Variants in PLXDC2 observed in about 807,000 individuals in gnomAD.
PLXDC2 encodes plexin domain-containing protein 2.
A neutral mutation model predicts 68.9 loss-of-function variants in PLXDC2; 40 were observed. The ratio of observed to expected loss-of-function variants is 0.58; its 90% CI spans 0.45 to 0.76. The LOEUF (loss-of-function observed/expected upper bound fraction) is 0.76, where lower values mean the gene tolerates loss of function less well. Ranked by LOEUF, PLXDC2 falls within the 30% of genes least tolerant of loss-of-function variation. PLXDC2 has a pLI of 0.00. For synonymous variants in PLXDC2, 243 were observed against 234.2 expected (o/e 1.04, Z -0.34); for missense variants, 644 against 661.9 (o/e 0.97, Z 0.30).
intron 1 of PLXDC2, among the ~76,000 whole-genome samples, chr10:19,962,366 C>T (rs1589558190): frequency 1.6e-5 from 1 of 62,464 alleles, no homozygotes; most frequent in Non-Finnish European, 3.2e-5. Flanking sequence ...GAGATGGAGT[C>T]TCATGCACCC....
chr10:20,025,531 G>A (rs1308804856), intron 2 of PLXDC2, among the ~76,000 whole-genome samples: 1 of 152,046 alleles, frequency 6.6e-6, no homozygotes, highest in Non-Finnish European at 1.5e-5. Flanking sequence ...CAAAGTGCTG[G>A]GATTACAGGT....
At chr10:19,985,121 A>G (rs1834614611) in intron 1 of PLXDC2, among the ~76,000 whole-genome samples, 1 of 152,202 alleles carries the variant, frequency 6.6e-6, no homozygotes, top group Non-Finnish European at 1.5e-5. Flanking sequence ...GCATTCCTGC[A>G]TTATCAGGGC....
chr10:19,999,895 A>AT (rs985865014), intron 1 of PLXDC2, among the ~76,000 whole-genome samples: 2 of 152,202 alleles, frequency 1.3e-5, no homozygotes, highest in Non-Finnish European at 2.9e-5. Context: ...TTTCATTCCC[A>AT]TTTAAAATAT....
chr10:20,188,035 T>G (rs934183008), intron 9 of PLXDC2, among the ~76,000 whole-genome samples: 3 of 151,744 alleles, frequency 2.0e-5, no homozygotes, highest in African/African-American at 7.2e-5. Context: ...AAGTACATAA[T>G]AGATGCTGTT....
chr10:20,027,795 G>A (rs1462312344), intron 2 of PLXDC2, among the ~76,000 whole-genome samples: 1 of 151,870 alleles, frequency 6.6e-6, no homozygotes, highest in Admixed American at 6.6e-5. Context: ...GGTGCAACCT[G>A]TGAAACATTT....
At chr10:20,131,777 C>A (rs1193070866) in intron 4 of PLXDC2, among the ~76,000 whole-genome samples, 1 of 152,108 alleles carries the variant, frequency 6.6e-6, no homozygotes. Context: ...AAAAACCCAA[C>A]TCCTAGTTTC....
At chr10:20,082,457 G>A (rs1335978742) in intron 4 of PLXDC2, among the ~76,000 whole-genome samples, 1 of 149,646 alleles carries the variant, frequency 6.7e-6, no homozygotes, top group Non-Finnish European at 1.5e-5. Context: ...AATACAAGTA[G>A]CTGTTACACA....
At chr10:19,838,476 C>G (rs1334416965) in intron 1 of PLXDC2, among the ~76,000 whole-genome samples, 1 of 151,998 alleles carries the variant, frequency 6.6e-6, no homozygotes, top group Non-Finnish European at 1.5e-5. Flanking sequence ...AATTTAAGTC[C>G]AAGTAAAACA....
chr10:20,172,230 G>GAAAAAAAA (rs571463676), intron 7 of PLXDC2, among the ~76,000 whole-genome samples: 3 of 110,606 alleles, frequency 2.7e-5, no homozygotes, highest in Non-Finnish European at 3.8e-5. Context: ...TTGTGAAAAG[G>GAAAAAAAA]AAAAAAAAAA....
intron 12 of PLXDC2, among the ~76,000 whole-genome samples, chr10:20,234,352 C>T (rs1564362161): frequency 6.6e-6 from 1 of 152,162 alleles, no homozygotes; most frequent in African/African-American, 2.4e-5. Context: ...AGACATACAG[C>T]TTTATATTTC....
At chr10:20,156,524 T>C (rs1437899713) in intron 6 of PLXDC2, among the ~76,000 whole-genome samples, 2 of 152,208 alleles carry the variant, frequency 1.3e-5, no homozygotes, top group Non-Finnish European at 2.9e-5. Context: ...CATGAATTTC[T>C]TCTCTTACCC....
At chr10:19,995,166 T>C (rs1411952860) in intron 1 of PLXDC2, among the ~76,000 whole-genome samples, 1 of 152,160 alleles carries the variant, frequency 6.6e-6, no homozygotes, top group Non-Finnish European at 1.5e-5. Context: ...GTATCAGTGG[T>C]CCCCAAGACT....
At chr10:20,067,204 G>C (rs1465733177) in intron 3 of PLXDC2, among the ~76,000 whole-genome samples, 2 of 151,862 alleles carry the variant, frequency 1.3e-5, no homozygotes, top group African/African-American at 4.8e-5. Flanking sequence ...GCTAAAGTTC[G>C]TGGCCCCATT....
chr10:20,011,317 C>T (rs747458174), intron 2 of PLXDC2, among the ~76,000 whole-genome samples: 5 of 152,118 alleles, frequency 3.3e-5, no homozygotes, highest in Non-Finnish European at 7.4e-5. Context: ...CTGCTGGATG[C>T]ACCCACAGAG....
intron 2 of PLXDC2, among the ~76,000 whole-genome samples, chr10:20,009,628 CAGA>C (rs1015468398): frequency 2.0e-5 from 3 of 151,162 alleles, no homozygotes; most frequent in Non-Finnish European, 2.9e-5. Flanking sequence ...CATGAATAGG[CAGA>C]AGGAGACCTT....
At chr10:19,822,064 C>T (rs1327762324) in intron 1 of PLXDC2, among the ~76,000 whole-genome samples, 1 of 151,748 alleles carries the variant, frequency 6.6e-6, no homozygotes, top group Non-Finnish European at 1.5e-5. Flanking sequence ...ACAATGTCCC[C>T]CAGATTCATC....
intron 3 of PLXDC2, among the ~76,000 whole-genome samples, chr10:20,062,870 A>G (rs1836130620): frequency 6.6e-6 from 1 of 152,136 alleles, no homozygotes; most frequent in Non-Finnish European, 1.5e-5. Context: ...ATATACTAGA[A>G]ATATTTACAT....
intron 2 of PLXDC2, among the ~76,000 whole-genome samples, chr10:20,022,620 C>A (rs1454921359): frequency 6.6e-6 from 1 of 152,096 alleles, no homozygotes; most frequent in Non-Finnish European, 1.5e-5. Context: ...AATATGTGAA[C>A]AAACTCCCTC....
chr10:19,825,067 G>A (rs1469621801), intron 1 of PLXDC2, among the ~76,000 whole-genome samples: 5 of 152,072 alleles, frequency 3.3e-5, no homozygotes, highest in Non-Finnish European at 5.9e-5. Context: ...ATTAAAATAG[G>A]CTGTCCTCAC....
Sources: gnomAD v4.1 joint callset for allele counts (sites outside exome capture counted in the v4.1 genomes callset) on GRCh38, gnomAD v4.1.1 for gene constraint, MANE v1.5 for transcripts, NCBI Gene and HGNC (gene_info 2026-07-23, HGNC 2026-07-21) for gene names.